Variants in AFF3 observed in about 807,000 individuals in gnomAD.
The protein encoded by AFF3 is ALF transcription elongation factor 3.
Under a neutral mutation model 129.7 loss-of-function variants are expected in AFF3, and 32 were observed. The observed-to-expected ratio is 0.25, with a 90% CI of 0.19 to 0.33. The LOEUF is 0.33. Among genes scored for constraint, AFF3 ranks in the 10% least tolerant of loss-of-function variants. The probability of loss-of-function intolerance (pLI) is 1.00; values close to 1 mark genes in which losing one functional copy is unlikely to be tolerated. For synonymous variants in AFF3, 644 were observed against 635.4 expected (o/e 1.01, Z -0.20); for missense variants, 1,373 against 1,592.0 (o/e 0.86, Z 2.34).
At chr2:99,716,026 T>C (rs1678350567) in intron 11 of AFF3, among the ~76,000 whole-genome samples, 1 of 152,200 alleles carries the variant, frequency 6.6e-6, no homozygotes, top group Non-Finnish European at 1.5e-5. Context: ...TTGAGGGTTA[T>C]CTACAAATGT....
chr2:99,728,718 A>G (rs1176787205), intron 10 of AFF3, among the ~76,000 whole-genome samples: 2 of 152,224 alleles, frequency 1.3e-5, no homozygotes, highest in East Asian at 3.8e-4. Flanking sequence ...CACAAAATCT[A>G]TTTTAACTGC....
chr2:99,699,870 T>C (rs1007668160), intron 11 of AFF3, among the ~76,000 whole-genome samples: 1 of 152,238 alleles, frequency 6.6e-6, no homozygotes, highest in African/African-American at 2.4e-5. Flanking sequence ...GGGATAAACA[T>C]GATTCTAACC....
At chr2:99,982,637 T>C (rs1576477249) in intron 7 of AFF3, among the ~76,000 whole-genome samples, 1 of 152,336 alleles carries the variant, frequency 6.6e-6, no homozygotes, top group East Asian at 1.9e-4. Context: ...TGCTCACTAC[T>C]GGAAACATTC....
intron 13 of AFF3, 59 bp from the exon 14 acceptor site, chr2:99,601,680 G>A: frequency 6.4e-7 from 1 of 1,550,490 alleles, no homozygotes; most frequent in Non-Finnish European, 8.7e-7. Flanking sequence ...GAGCAAACAG[G>A]AAAACACCAC....
chr2:99,561,136 CTTATAAG>C (rs1348332735), intron 20 of AFF3, among the ~76,000 whole-genome samples: 1 of 152,218 alleles, frequency 6.6e-6, no homozygotes, highest in Non-Finnish European at 1.5e-5. Context: ...AGCTCAGCGA[CTTATAAG>C]TTGTAAGTGC....
intron 7 of AFF3, among the ~76,000 whole-genome samples, chr2:99,951,760 C>T (rs1311673534): frequency 3.3e-5 from 5 of 152,328 alleles, no homozygotes. Context: ...ATTCTCCTGC[C>T]TCAGCCTCCC....
chr2:99,899,426 T>C (rs1328955414), intron 7 of AFF3, among the ~76,000 whole-genome samples: 2 of 152,194 alleles, frequency 1.3e-5, no homozygotes, highest in Non-Finnish European at 2.9e-5. Context: ...CACTGTAATA[T>C]CAGATATTTC....
intron 8 of AFF3, among the ~76,000 whole-genome samples, chr2:99,811,568 C>G (rs1686792612): frequency 6.6e-6 from 1 of 152,144 alleles, no homozygotes; most frequent in African/African-American, 2.4e-5. Flanking sequence ...AGATCCTGCT[C>G]CTATTTCATG....
chr2:99,551,639 G>A (rs755919631), intron 24 of AFF3, 44 bp from the exon 25 acceptor site: 4 of 1,612,982 alleles, frequency 2.5e-6, no homozygotes, highest in Non-Finnish European at 3.4e-6. Flanking sequence ...CACATGCTAG[G>A]TGTGCTATCC....
At chr2:99,703,288 G>A (rs967471216) in intron 11 of AFF3, among the ~76,000 whole-genome samples, 2 of 152,244 alleles carry the variant, frequency 1.3e-5, no homozygotes, top group South Asian at 2.1e-4. Context: ...ATCTGTCACT[G>A]GCTCTGCAAA....
intron 11 of AFF3, among the ~76,000 whole-genome samples, chr2:99,690,008 A>G (rs1675447074): frequency 6.7e-6 from 1 of 148,652 alleles, no homozygotes. Flanking sequence ...AATTGCTTGA[A>G]CCTGGGAGGT....
intron 10 of AFF3, among the ~76,000 whole-genome samples, chr2:99,730,134 CTTCTG>C (rs1366463836): frequency 6.6e-6 from 1 of 152,130 alleles, no homozygotes; most frequent in Non-Finnish European, 1.5e-5. Flanking sequence ...CAGTATGTGT[CTTCTG>C]TTCTGATGCC....
intron 13 of AFF3, among the ~76,000 whole-genome samples, chr2:99,633,573 G>A (rs1683330693): frequency 6.6e-6 from 1 of 152,180 alleles, no homozygotes; most frequent in African/African-American, 2.4e-5. Context: ...GCCTCACTGT[G>A]TGGTTTTGGG....
At chr2:99,706,492 C>T (rs1677402927) in intron 11 of AFF3, among the ~76,000 whole-genome samples, 1 of 152,178 alleles carries the variant, frequency 6.6e-6, no homozygotes, top group African/African-American at 2.4e-5. Flanking sequence ...CTCTGGCCCT[C>T]TGGAAAGAGC....
chr2:99,757,374 A>C (rs897559000), intron 8 of AFF3, among the ~76,000 whole-genome samples: 1 of 152,218 alleles, frequency 6.6e-6, no homozygotes, highest in African/African-American at 2.4e-5. Context: ...AATGGCAGCA[A>C]CATCTATTAA....
intron 10 of AFF3, among the ~76,000 whole-genome samples, chr2:99,730,900 C>T (rs1246847539): frequency 6.6e-6 from 1 of 152,118 alleles, no homozygotes; most frequent in African/African-American, 2.4e-5. Context: ...AAGGTAATGA[C>T]TTTGCTTACT....
At chr2:99,980,353 C>G (rs551319365) in intron 7 of AFF3, among the ~76,000 whole-genome samples, 16 of 152,278 alleles carry the variant, frequency 1.1e-4, no homozygotes, top group African/African-American at 3.8e-4. Flanking sequence ...TAAGTGCAGA[C>G]AGAATGACTC....
At position 99,934,265 on chromosome 2, in the gene AFF3, T is replaced by A. The variant is rs376257363; in HGVS notation, c.873+72367A>T. On this transcript the variant is annotated intron_variant, in intron 7 of 24. Coordinates refer to ENST00000672756, the MANE Select transcript of AFF3 (RefSeq NM_001386135.1). ...TCTCCTTTAGTCCTGTGGTTTGACA[T>A]GTTTAGTTCAATGGTTTCACACTGA... Among the ~76,000 whole-genome samples, 28 of 152,254 alleles carry A rather than the reference T, an allele frequency of 1.8e-4. No individual in the cohort carries two copies. In the East Asian group the frequency reaches 3.3e-3, roughly 18 times the overall value.
chr2:99,827,867 C>T (rs868492942), intron 8 of AFF3, among the ~76,000 whole-genome samples: 3 of 152,092 alleles, frequency 2.0e-5, no homozygotes, highest in Middle Eastern at 3.4e-3. Flanking sequence ...GAGAACAGAG[C>T]CTGGAACAGT....
Sources: gnomAD v4.1 joint callset for allele counts (sites outside exome capture counted in the v4.1 genomes callset) on GRCh38, gnomAD v4.1.1 for gene constraint, MANE v1.5 for transcripts, NCBI Gene and HGNC (gene_info 2026-07-23, HGNC 2026-07-21) for gene names.